Variants in TCF4 observed in about 807,000 individuals in gnomAD.
TCF4 encodes the protein transcription factor 4.
Under a neutral mutation model 82.1 loss-of-function variants are expected in TCF4, and 3 were observed. That is an observed-to-expected ratio of 0.04 (90% confidence interval 0.02 to 0.09). The LOEUF (loss-of-function observed/expected upper bound fraction) is 0.09, where lower values mean the gene tolerates loss of function less well. TCF4 is among the 10% of genes least tolerant of loss of function. The pLI, the probability that TCF4 is intolerant of heterozygous loss-of-function variation, is 1.00. For missense variants in TCF4, 518 were observed against 852.7 expected, an observed-to-expected ratio of 0.61 and a Z score of 4.89; for synonymous variants, 276 against 309.6, an observed-to-expected ratio of 0.89 and a Z score of 1.14.
rs961243384 is a variant in TCF4, at chr18:55,378,285, T to A, written c.369+25169A>T. On this transcript the variant is annotated intron_variant, in intron 6 of 19. Coordinates refer to ENST00000354452, the MANE Select transcript of TCF4 (RefSeq NM_001083962.2). ...GTATAGCTTGGCTAATAACCATCAG[T>A]TTAAAAATAATATTAGACAACATTT... Among the ~76,000 whole-genome samples, 6 of 152,192 alleles carry A rather than the reference T, an allele frequency of 3.9e-5. No individual in the cohort carries two copies. In the South Asian group the frequency reaches 1.2e-3, roughly 31 times the overall value.
At chr18:55,555,382 CACT>C (rs975787006) in intron 3 of TCF4, among the ~76,000 whole-genome samples, 1 of 152,154 alleles carries the variant, frequency 6.6e-6, no homozygotes, top group Non-Finnish European at 1.5e-5. Flanking sequence ...TTAATTTGGT[CACT>C]ACTGTAACCA....
At chr18:55,338,611 CT>C (rs1397790035) in intron 8 of TCF4, among the ~76,000 whole-genome samples, 3 of 152,116 alleles carry the variant, frequency 2.0e-5, no homozygotes, top group Non-Finnish European at 4.4e-5. Flanking sequence ...CCTTCTTTTT[CT>C]TTCATGAAAG....
At chr18:55,302,752 T>G in intron 8 of TCF4, 1 of 714,732 alleles carries the variant, frequency 1.4e-6, no homozygotes. Flanking sequence ...TGACCAGGCA[T>G]GAGGCGTCCC....
rs1030402971 is a variant in TCF4, at chr18:55,403,955, G to A, written c.305-437C>T. 4.6e-6 allele frequency: 6 copies of A among 1,312,270 alleles called. No individual in the cohort carries two copies. The East Asian group carries it at 1.8e-4, about 39-fold the overall frequency. 81.3% of individuals were successfully genotyped at this position (1,312,270 alleles called of 1,614,324 possible). ...AAACTAATCAATCACAGGCTCTCCA[G>A]ATGGTGAATTTAGCAAAGAAACTAT... On this transcript the variant is annotated intron_variant, in intron 5 of 19. Coordinates refer to ENST00000354452, the MANE Select transcript of TCF4 (RefSeq NM_001083962.2).
At chr18:55,513,006 TG>T (rs1024615438) in intron 3 of TCF4, among the ~76,000 whole-genome samples, 1 of 152,120 alleles carries the variant, frequency 6.6e-6, no homozygotes, top group Non-Finnish European at 1.5e-5. Flanking sequence ...AACAAACTCA[TG>T]GTATCTTACT....
intron 5 of TCF4, among the ~76,000 whole-genome samples, chr18:55,405,968 C>T (rs745945441): frequency 6.6e-6 from 1 of 151,970 alleles, no homozygotes; most frequent in Non-Finnish European, 1.5e-5. Context: ...AAAATCTACT[C>T]CTGTTTGTGT....
intron 3 of TCF4, among the ~76,000 whole-genome samples, chr18:55,506,722 G>A (rs868002295): frequency 2.0e-5 from 3 of 152,008 alleles, no homozygotes; most frequent in Non-Finnish European, 4.4e-5. Flanking sequence ...TTCTATATAC[G>A]CTATGATTTT....
chr18:55,372,705 A>T (rs577837949), intron 6 of TCF4, among the ~76,000 whole-genome samples: 1 of 152,324 alleles, frequency 6.6e-6, no homozygotes, highest in East Asian at 1.9e-4. Flanking sequence ...AGATGGGGCA[A>T]GGAAACGCTA....
intron 6 of TCF4, among the ~76,000 whole-genome samples, chr18:55,380,828 T>C (rs991787382): frequency 2.0e-5 from 3 of 152,168 alleles, no homozygotes; most frequent in African/African-American, 4.8e-5. Flanking sequence ...ATACCACAGA[T>C]TGTGAGTCAG....
chr18:55,288,135 C>T (rs111943569), intron 8 of TCF4, among the ~76,000 whole-genome samples: 1,630 of 152,250 alleles, frequency 0.011, 33 homozygotes, highest in African/African-American at 0.036. Flanking sequence ...TCTGCTATGA[C>T]GTCATAGTGA....
Position 55,586,909 on chromosome 18 carries a change from C to T in TCF4, c.72+136G>A, listed in dbSNP as rs2097654812. ...ATAGTTAAAAACTTGTCAAAAAGACCTTCATATTTACCAAGGATTCAGCCA... is the reference window on the plus strand; with the variant it reads ...ATAGTTAAAAACTTGTCAAAAAGACTTTCATATTTACCAAGGATTCAGCCA... On this transcript the variant is annotated intron_variant, in intron 2 of 19. Transcript: ENST00000354452. 4 of 743,310 alleles carry T rather than the reference C, an allele frequency of 5.4e-6. No individual in the cohort carries two copies. In the Admixed American group the frequency reaches 6.5e-5, roughly 12 times the overall value. 46.0% of individuals were successfully genotyped at this position (743,310 alleles called of 1,614,324 possible).
At chr18:55,490,613 C>CA (rs111901375) in intron 3 of TCF4, among the ~76,000 whole-genome samples, 6,131 of 139,236 alleles carry the variant, frequency 0.044, 139 homozygotes, top group Non-Finnish European at 0.058. Flanking sequence ...TAGAATGGAG[C>CA]AAAAAAAAAA....
At chr18:55,236,068 CATGTGTGTGTGTGTGT>C (rs1402256204) in intron 15 of TCF4, among the ~76,000 whole-genome samples, 2 of 41,930 alleles carry the variant, frequency 4.8e-5, no homozygotes, top group Non-Finnish European at 8.3e-5. Context: ...TTCATGTGTG[CATGTGTGTGTGTGTGT>C]GTGTGTGTGT....
chr18:55,265,483 T>A (rs980425588), intron 11 of TCF4: 1 of 152,142 alleles, frequency 6.6e-6, no homozygotes, highest in Non-Finnish European at 1.5e-5. Context: ...AGGGGGAAGT[T>A]GGGCTTCCTG....
At chr18:55,281,922 A>C (rs1052768214) in intron 8 of TCF4, among the ~76,000 whole-genome samples, 2 of 151,970 alleles carry the variant, frequency 1.3e-5, no homozygotes, top group Admixed American at 6.6e-5. Context: ...TGTTTTTAGG[A>C]TATATTATAG....
At chr18:55,287,629 G>A (rs1274555792) in intron 8 of TCF4, among the ~76,000 whole-genome samples, 1 of 152,174 alleles carries the variant, frequency 6.6e-6, no homozygotes, top group African/African-American at 2.4e-5. Flanking sequence ...GGCAGGGATG[G>A]CCAGAACACA....
intron 8 of TCF4, among the ~76,000 whole-genome samples, chr18:55,316,832 A>C (rs752729441): frequency 2.6e-5 from 4 of 152,080 alleles, no homozygotes; most frequent in Non-Finnish European, 4.4e-5. Flanking sequence ...TGCCTGCAAT[A>C]ATGCCATCAC....
chr18:55,352,792 C>T (rs1409352730), intron 6 of TCF4, among the ~76,000 whole-genome samples: 2 of 152,096 alleles, frequency 1.3e-5, no homozygotes, highest in African/African-American at 2.4e-5. Context: ...TTTTGAATCT[C>T]AACCTAAATT....
At chr18:55,398,593 G>A (rs2093631169) in intron 6 of TCF4, among the ~76,000 whole-genome samples, 1 of 152,170 alleles carries the variant, frequency 6.6e-6, no homozygotes, top group African/African-American at 2.4e-5. Context: ...CAGCATGTTA[G>A]AAGGAAGAGC....
Sources: gnomAD v4.1 joint callset for allele counts (sites outside exome capture counted in the v4.1 genomes callset) on GRCh38, gnomAD v4.1.1 for gene constraint, MANE v1.5 for transcripts, NCBI Gene and HGNC (gene_info 2026-07-23, HGNC 2026-07-21) for gene names.